TTC29: variants seen among roughly 807,000 people sequenced by gnomAD.
TTC29 encodes the protein tetratricopeptide repeat domain 29.
In TTC29, 49 loss-of-function variants were observed where a neutral mutation model predicts 58.1. The observed-to-expected ratio is 0.84, with a 90% CI of 0.67 to 1.07. TTC29 has a LOEUF of 1.07. Among genes scored for constraint, TTC29 ranks in the 50% least tolerant of loss-of-function variants. The pLI is 0.00. For missense variants in TTC29, 582 were observed against 555.6 expected (o/e 1.05, Z -0.48); for synonymous variants, 209 against 196.8 (o/e 1.06, Z -0.52).
intron 6 of TTC29, among the ~76,000 whole-genome samples, chr4:146,877,510 G>T (rs542833810): frequency 6.6e-6 from 1 of 151,842 alleles, no homozygotes; most frequent in Non-Finnish European, 1.5e-5. Flanking sequence ...TCTCTCCCAC[G>T]TAGCACCTCT....
intron 4 of TTC29, among the ~76,000 whole-genome samples, chr4:146,935,210 G>T (rs180678392): frequency 6.6e-6 from 1 of 152,028 alleles, no homozygotes; most frequent in African/African-American, 2.4e-5. Flanking sequence ...TCCACCCATC[G>T]CATTGGGAGG....
At chr4:146,849,303 T>C (rs1729367604) in intron 8 of TTC29, among the ~76,000 whole-genome samples, 1 of 152,094 alleles carries the variant, frequency 6.6e-6, no homozygotes, top group African/African-American at 2.4e-5. Context: ...GAGTACACAG[T>C]GAATTGGTGA....
chr4:146,724,623 C>G (rs1014871365), intron 11 of TTC29, among the ~76,000 whole-genome samples: 1 of 151,988 alleles, frequency 6.6e-6, no homozygotes, highest in Non-Finnish European at 1.5e-5. Flanking sequence ...AAGCAATACT[C>G]CTGCCTCAGC....
intron 11 of TTC29, among the ~76,000 whole-genome samples, chr4:146,789,685 A>T (rs746260245): frequency 3.7e-4 from 57 of 152,306 alleles, no homozygotes; most frequent in Admixed American, 5.2e-4. Flanking sequence ...TACAATAGAA[A>T]AGTATCGGAG....
At chr4:146,721,367 C>T (rs917804069) in intron 11 of TTC29, among the ~76,000 whole-genome samples, 5 of 152,064 alleles carry the variant, frequency 3.3e-5, no homozygotes, top group Non-Finnish European at 7.4e-5. Context: ...ACTGATAAGT[C>T]GAAGTCATTT....
At position 146,772,799 on chromosome 4, in the gene TTC29, T is replaced by C. The variant is rs112039492; in HGVS notation, c.1330+30658A>G. Among the ~76,000 whole-genome samples the C allele has an allele frequency of 6.2e-3, 946 of 152,282 alleles. 13 individuals are homozygous for C. Among genetic ancestry groups the C allele is most frequent in the Non-Finnish European group, 7.1e-3 (484 of 68,006 alleles). ...AGTTTGACAGGAATAGCATTGAATCTGTAAGTTGCTTTGGGTAATATGACC... is the reference window on the plus strand; with the variant it reads ...AGTTTGACAGGAATAGCATTGAATCCGTAAGTTGCTTTGGGTAATATGACC... On this transcript the variant is annotated intron_variant, in intron 11 of 12. Transcript: ENST00000325106.
chr4:146,731,632 A>G (rs1217943588), intron 11 of TTC29, among the ~76,000 whole-genome samples: 1 of 152,208 alleles, frequency 6.6e-6, no homozygotes, highest in African/African-American at 2.4e-5. Context: ...GGCATTTCTC[A>G]GGAAAACGTA....
chr4:146,759,689 T>C (rs1202246091), intron 11 of TTC29, among the ~76,000 whole-genome samples: 1 of 152,222 alleles, frequency 6.6e-6, no homozygotes, highest in East Asian at 1.9e-4. Flanking sequence ...AAAAATCACA[T>C]GATCATTTCA....
intron 8 of TTC29, among the ~76,000 whole-genome samples, chr4:146,839,454 A>G (rs1157397138): frequency 6.6e-6 from 1 of 151,850 alleles, no homozygotes; most frequent in Non-Finnish European, 1.5e-5. Flanking sequence ...GTAACCCCCA[A>G]ATATGTATAG....
chr4:146,730,505 C>T (rs747169051), intron 11 of TTC29, among the ~76,000 whole-genome samples: 8 of 152,010 alleles, frequency 5.3e-5, no homozygotes, highest in Non-Finnish European at 1.2e-4. Context: ...AGAATGAATG[C>T]AAATAGCAAA....
At chr4:146,908,963 T>C in intron 5 of TTC29, 63 bp downstream of exon 5, 1 of 1,389,982 alleles carries the variant, frequency 7.2e-7, no homozygotes, top group Non-Finnish European at 1.0e-6. Context: ...CAATCTGGAA[T>C]CTTCCCCCAG....
In TTC29 at chr4:146,796,371, A is replaced by T. The variant is rs548126826; in HGVS notation, c.1330+7086T>A. Among the ~76,000 whole-genome samples the T allele has an allele frequency of 3.3e-3, 503 of 152,318 alleles. 1 individual carries two copies. Among genetic ancestry groups the T allele is most frequent in the Middle Eastern group, 0.014 (4 of 294 alleles). On this transcript the variant is annotated intron_variant, in intron 11 of 12. Coordinates refer to ENST00000325106, the MANE Select transcript of TTC29 (RefSeq NM_031956.4). Reference sequence around the variant, plus strand: ...TTAAAGAACAAAAAAAGGAATTCAGAGAGATCATGTAGTCTAATCACCTCT... The same window carrying T: ...TTAAAGAACAAAAAAAGGAATTCAGTGAGATCATGTAGTCTAATCACCTCT...
intron 10 of TTC29, among the ~76,000 whole-genome samples, chr4:146,809,704 C>A (rs1166639400): frequency 1.3e-5 from 2 of 149,776 alleles, no homozygotes; most frequent in Admixed American, 6.9e-5. Flanking sequence ...CAAATCAAAA[C>A]CACAATGAGA....
At chr4:146,839,575 A>AGTGTGTGTGT (rs1728724779) in intron 8 of TTC29, among the ~76,000 whole-genome samples, 2 of 119,322 alleles carry the variant, frequency 1.7e-5, no homozygotes, top group Admixed American at 8.1e-5. Flanking sequence ...TGTGTGTGTA[A>AGTGTGTGTGT]GTTTTATGCT....
rs200572046 is a variant in TTC29 at position 146,758,715 on chromosome 4, G to A, written c.1330+44742C>T. Among the ~76,000 whole-genome samples the A allele has an allele frequency of 1.1e-4, 16 of 152,178 alleles. No homozygotes were observed. In the East Asian group the frequency reaches 2.9e-3, roughly 28 times the overall value. On this transcript the variant is annotated intron_variant, in intron 11 of 12. Transcript: ENST00000325106. ...TTCAAAACCATGCAAATACATGGAA[G>A]TTAAATAATCTGCTCCCAAATAAGC...
chr4:146,811,643 A>T (rs1393484414), intron 10 of TTC29, among the ~76,000 whole-genome samples: 3 of 152,240 alleles, frequency 2.0e-5, no homozygotes. Context: ...TATGAAGGAA[A>T]TGAACATAAA....
intron 11 of TTC29, among the ~76,000 whole-genome samples, chr4:146,782,297 GTTAT>G (rs1174936952): frequency 2.6e-5 from 4 of 151,400 alleles, no homozygotes; most frequent in Non-Finnish European, 5.9e-5. Context: ...TTAAAAATAA[GTTAT>G]TTAGTGTATT....
At chr4:146,880,874 C>T (rs564717147) in intron 6 of TTC29, among the ~76,000 whole-genome samples, 1 of 151,756 alleles carries the variant, frequency 6.6e-6, no homozygotes, top group East Asian at 1.9e-4. Flanking sequence ...AAGCTACGAA[C>T]ATTAGAGGCA....
At position 146,860,399 on chromosome 4, in the gene TTC29, A is replaced by C. The variant is rs117119833; in HGVS notation, c.885+7099T>G. On this transcript the variant is annotated intron_variant, in intron 8 of 12. Transcript: ENST00000325106. ...TGATACATATCTTCCATTGTTAATAAATATATATCAAATAAAAATTTTTGG... is the reference window on the plus strand; with the variant it reads ...TGATACATATCTTCCATTGTTAATACATATATATCAAATAAAAATTTTTGG... Among the ~76,000 whole-genome samples the C allele has an allele frequency of 2.0e-5, 3 of 152,290 alleles. No homozygotes were observed. The East Asian group carries it at 5.8e-4, about 29-fold the overall frequency.
Sources: allele counts gnomAD v4.1 joint callset (sites outside exome capture counted in the v4.1 genomes callset), GRCh38; gene constraint gnomAD v4.1.1; transcripts MANE v1.5; gene names NCBI Gene and HGNC (gene_info 2026-07-23, HGNC 2026-07-21).